MED27: variants seen among roughly 807,000 people sequenced by gnomAD.
MED27 encodes the protein mediator of RNA polymerase II transcription subunit 27.
In MED27, 30 loss-of-function variants were observed where a neutral mutation model predicts 38.2. The observed-to-expected ratio is 0.79, with a 90% CI of 0.59 to 1.07. The LOEUF (loss-of-function observed/expected upper bound fraction) is 1.07, where lower values mean the gene tolerates loss of function less well. Among genes scored for constraint, MED27 ranks in the 50% least tolerant of loss-of-function variants. The pLI is 0.00. For missense variants in MED27, 289 were observed against 397.5 expected, an observed-to-expected ratio of 0.73 and a Z score of 2.32; for synonymous variants, 122 against 153.5, an observed-to-expected ratio of 0.79 and a Z score of 1.52.
chr9:131,893,243 G>A (rs1024481579), intron 5 of MED27, among the ~76,000 whole-genome samples: 4 of 152,086 alleles, frequency 2.6e-5, no homozygotes, highest in African/African-American at 4.8e-5. Flanking sequence ...CAGGCACGGT[G>A]TTCATTACAC....
intron 2 of MED27, among the ~76,000 whole-genome samples, chr9:132,038,567 A>C (rs1035874734): frequency 6.6e-6 from 1 of 152,212 alleles, no homozygotes; most frequent in Non-Finnish European, 1.5e-5. Context: ...CACTCTTTTT[A>C]AAGTAAAATA....
chr9:131,966,915 T>G (rs1831363407), intron 3 of MED27, among the ~76,000 whole-genome samples: 1 of 152,260 alleles, frequency 6.6e-6, no homozygotes, highest in African/African-American at 2.4e-5. Context: ...ACTATCTGGA[T>G]GCTCACCAGA....
chr9:131,927,520 G>A (rs1383145764), intron 4 of MED27, among the ~76,000 whole-genome samples: 1 of 152,200 alleles, frequency 6.6e-6, no homozygotes, highest in East Asian at 1.9e-4. Flanking sequence ...CAAATGCTGA[G>A]TGCCCATTTG....
chr9:132,078,175 T>C (rs1236404535), intron 1 of MED27, among the ~76,000 whole-genome samples: 7 of 152,058 alleles, frequency 4.6e-5, no homozygotes, highest in Non-Finnish European at 8.8e-5. Flanking sequence ...TAGAGAAGCT[T>C]GGGAAAGCGA....
In MED27 at chr9:132,006,806, C is replaced by G. The variant is rs540195300; in HGVS notation, c.479+7531G>C. The stretch of plus-strand genomic sequence containing the variant: ...TTTAAACAGCAATGACGATCACCCC[C>G]CCTTCATGCATCACTATTGCCAAAG... On this transcript the variant is annotated intron_variant, in intron 3 of 7. Transcript: ENST00000292035. Among the ~76,000 whole-genome samples, 81 of 152,298 alleles carry G rather than the reference C, an allele frequency of 5.3e-4. 1 individual carries two copies. The highest frequency in any genetic ancestry group is 1.8e-3 in the African/African-American group (76 of 41,566).
intron 2 of MED27, among the ~76,000 whole-genome samples, chr9:132,068,970 G>A (rs1482647838): frequency 2.6e-5 from 4 of 152,206 alleles, no homozygotes; most frequent in Non-Finnish European, 2.9e-5. Flanking sequence ...ACAAGAAAAC[G>A]GGAGGCTTCT....
rs148124134 is a variant in MED27, at chr9:131,917,277, A to T, written c.573+22104T>A. On this transcript the variant is annotated intron_variant, in intron 4 of 7. Transcript: ENST00000292035. This position sits in a 1 kb window ranked among gnomAD's most constrained non-coding sequence, Gnocchi z 4.6. The stretch of plus-strand genomic sequence containing the variant: ...TGCCTCCACTGAGAAACATTAGAGA[A>T]TACTGAGGATACCCAGGGAAGGGAG... Among the ~76,000 whole-genome samples, 90 of 152,250 alleles carry T rather than the reference A, an allele frequency of 5.9e-4. No homozygotes were observed. The highest frequency in any genetic ancestry group is 2.2e-3 in the African/African-American group (90 of 41,536).
At chr9:131,937,994 C>G (rs186429038) in intron 4 of MED27, among the ~76,000 whole-genome samples, 1 of 152,016 alleles carries the variant, frequency 6.6e-6, no homozygotes, top group Non-Finnish European at 1.5e-5. Context: ...AAAAAAACAT[C>G]GCATTATCTC....
chr9:132,041,197 T>C (rs901938612), intron 2 of MED27, among the ~76,000 whole-genome samples: 5 of 152,134 alleles, frequency 3.3e-5, no homozygotes, highest in African/African-American at 1.2e-4. Flanking sequence ...ATGTGGGCTG[T>C]GAGGGAGACG....
intron 3 of MED27, among the ~76,000 whole-genome samples, chr9:131,986,423 T>A (rs1831851440): frequency 6.6e-6 from 1 of 152,172 alleles, no homozygotes; most frequent in Non-Finnish European, 1.5e-5. Context: ...CCTCAGGTAA[T>A]CTTCCCACCT....
chr9:132,021,473 G>T (rs1832715801), intron 2 of MED27, among the ~76,000 whole-genome samples: 1 of 152,208 alleles, frequency 6.6e-6, no homozygotes, highest in African/African-American at 2.4e-5. Flanking sequence ...GAAAAAAAGG[G>T]AAGATGAGCA....
chr9:132,061,036 A>G (rs1388499061), intron 2 of MED27, among the ~76,000 whole-genome samples: 1 of 152,220 alleles, frequency 6.6e-6, no homozygotes, highest in Non-Finnish European at 1.5e-5. Context: ...CTGTCACCCT[A>G]CAAGTAGCTC....
chr9:131,879,299 C>A (rs916776652), intron 6 of MED27, among the ~76,000 whole-genome samples: 2 of 152,188 alleles, frequency 1.3e-5, no homozygotes, highest in Non-Finnish European at 2.9e-5. Flanking sequence ...TGAAGGAGAC[C>A]TCAGGGTGGG....
intron 4 of MED27, among the ~76,000 whole-genome samples, chr9:131,930,446 G>C (rs1313917060): frequency 6.6e-6 from 1 of 152,210 alleles, no homozygotes; most frequent in Non-Finnish European, 1.5e-5. Context: ...TACAGGCCAG[G>C]AGAGAGTGGC....
At position 131,860,765 on chromosome 9, in the gene MED27, A is replaced by G; in HGVS notation, c.802-93T>C. On this transcript the variant is annotated intron_variant, in intron 7 of 7. Coordinates refer to ENST00000292035, the MANE Select transcript of MED27 (RefSeq NM_004269.4). The surrounding 1 kb of genome is among the most constrained non-coding windows in gnomAD (Gnocchi z 5.8). ...TCAAGCCTAATGGCCCAGACAACTT[A>G]AGTTGGCTTTGGCCCCAGAAGATGC... 6.8e-7 allele frequency: 1 copy of G among 1,467,768 alleles called. No homozygotes were observed. Among genetic ancestry groups the G allele is most frequent in the South Asian group, 1.3e-5 (1 of 79,160 alleles). 90.9% of individuals were successfully genotyped at this position (1,467,768 alleles called of 1,614,324 possible).
At chr9:132,013,325 A>G (rs1589265986) in intron 3 of MED27, among the ~76,000 whole-genome samples, 1 of 152,368 alleles carries the variant, frequency 6.6e-6, no homozygotes, top group East Asian at 1.9e-4. Context: ...ATACAAAAAA[A>G]TGACACTGCA....
chr9:132,012,799 C>T (rs1832511812), intron 3 of MED27, among the ~76,000 whole-genome samples: 1 of 152,278 alleles, frequency 6.6e-6, no homozygotes, highest in East Asian at 1.9e-4. Context: ...TCTCCTCCCA[C>T]CCCCGAAATG....
At chr9:131,868,168 G>A (rs939430118) in intron 6 of MED27, among the ~76,000 whole-genome samples, 6 of 152,110 alleles carry the variant, frequency 3.9e-5, no homozygotes, top group African/African-American at 1.2e-4. Context: ...AAGATCCATC[G>A]GATATTTTAT....
At chr9:131,987,761 T>C (rs1831885421) in intron 3 of MED27, among the ~76,000 whole-genome samples, 1 of 151,192 alleles carries the variant, frequency 6.6e-6, no homozygotes. Context: ...TGAAGAATTA[T>C]GCGTGAAACT....
Sources: allele counts gnomAD v4.1 joint callset (sites outside exome capture counted in the v4.1 genomes callset), GRCh38; gene constraint gnomAD v4.1.1; non-coding constraint Gnocchi (gnomAD v3.1); transcripts MANE v1.5; gene names NCBI Gene and HGNC (gene_info 2026-07-23, HGNC 2026-07-21).